SCN8A: variants seen among roughly 807,000 people sequenced by gnomAD.
SCN8A encodes the protein sodium channel protein type 8 subunit alpha.
SCN8A carries 30 observed loss-of-function variants against 184.1 expected under a neutral mutation model. The ratio of observed to expected loss-of-function variants is 0.16; its 90% confidence interval spans 0.12 to 0.22. The LOEUF is 0.22. SCN8A is among the 10% of genes least tolerant of loss of function. The pLI is 1.00. For missense variants in SCN8A, 1,057 were observed against 2,498.9 expected (o/e 0.42, Z 12.30); for synonymous variants, 852 against 907.0 (o/e 0.94, Z 1.09).
At chr12:51,749,500 G>C (rs1406226112) in intron 13 of SCN8A, among the ~76,000 whole-genome samples, 1 of 152,114 alleles carries the variant, frequency 6.6e-6, no homozygotes, top group Non-Finnish European at 1.5e-5. Context: ...AAGAATTTAT[G>C]GAAATAAGAG....
At chr12:51,697,039 A>AC (rs11395918) in intron 6 of SCN8A, among the ~76,000 whole-genome samples, 2 of 1,986 alleles carry the variant, frequency 1.0e-3, no homozygotes, top group African/African-American at 3.0e-3. Flanking sequence ...AATCCGACTC[A>AC]AAAAAAAAAA....
intron 1 of SCN8A, among the ~76,000 whole-genome samples, chr12:51,645,556 C>T (rs1012910515): frequency 3.9e-5 from 6 of 152,022 alleles, no homozygotes; most frequent in Admixed American, 1.3e-4. Context: ...GGATGGTTGC[C>T]GTGTCTGTGT....
intron 20 of SCN8A, chr12:51,780,304 C>T: frequency 2.3e-6 from 1 of 432,060 alleles, no homozygotes; most frequent in Middle Eastern, 4.9e-4. Context: ...AGGCTCCTCT[C>T]CTTCCAGTGG....
intron 20 of SCN8A, chr12:51,780,251 C>T: frequency 2.2e-6 from 1 of 456,486 alleles, no homozygotes; most frequent in South Asian, 1.6e-5. Flanking sequence ...CTGGGACCTG[C>T]AGAGACTGTA....
At chr12:51,610,393 G>C (rs1055325998) in intron 1 of SCN8A, among the ~76,000 whole-genome samples, 5 of 152,046 alleles carry the variant, frequency 3.3e-5, no homozygotes, top group African/African-American at 1.2e-4. Flanking sequence ...GAGATGTGAG[G>C]TACCGTTGCA....
Position 51,687,480 on chromosome 12 carries a change from A to T in SCN8A, c.614+261A>T, listed in dbSNP as rs142060454. Among the ~76,000 whole-genome samples the T allele has an allele frequency of 3.1e-3, 478 of 152,208 alleles. 4 individuals are homozygous for T. Among genetic ancestry groups the T allele is most frequent in the African/African-American group, 0.011 (453 of 41,526 alleles). ...GAGAGAAAGGAGGAGGTGATTTCCC[A>T]TTGGCACTCTCTCGTATTTTATTCC... On this transcript the variant is annotated intron_variant, in intron 5 of 26. Coordinates refer to ENST00000627620, the MANE Select transcript of SCN8A (RefSeq NM_001330260.2).
intron 1 of SCN8A, among the ~76,000 whole-genome samples, chr12:51,631,901 G>A (rs1284596510): frequency 6.6e-6 from 1 of 152,182 alleles, no homozygotes; most frequent in Non-Finnish European, 1.5e-5. Context: ...CCAGAAGTAA[G>A]CCGAGAGACA....
chr12:51,812,060 A>AT lies in SCN8A; in HGVS notation c.*4633dup, dbSNP rs1938918933. 1 of 151,996 alleles carries AT rather than the reference A, an allele frequency of 6.6e-6. No individual in the cohort carries two copies. The highest frequency in any genetic ancestry group is 2.4e-5 in the African/African-American group (1 of 41,368). 9.4% of individuals were successfully genotyped at this position (151,996 alleles called of 1,614,324 possible). On this transcript the variant is annotated 3_prime_UTR_variant, in exon 27 of 27. Transcript: ENST00000627620. The stretch of plus-strand genomic sequence containing the variant: ...GCCCAAGTTTTGCAACAGAGTTTCC[A>AT]TTGTTCAGCTCTGTGCTTTCTTGGA...
intron 26 of SCN8A, among the ~76,000 whole-genome samples, chr12:51,802,763 T>A (rs367727192): frequency 1.3e-5 from 2 of 152,202 alleles, no homozygotes; most frequent in East Asian, 1.9e-4. Context: ...GTCACTAAAC[T>A]CCTTGCCTCT....
chr12:51,721,081 TTATATATATA>T (rs58356368), intron 11 of SCN8A, among the ~76,000 whole-genome samples: 8 of 86,818 alleles, frequency 9.2e-5, no homozygotes, highest in African/African-American at 3.3e-4. Flanking sequence ...AAAAAAAAAA[TTATATATATA>T]TATATATATA....
rs1175136776 is a variant in SCN8A at position 51,802,262 on chromosome 12, TCAGA to T, written c.4796-4017_4796-4014del. ...TGCCTCAAGCATTGCAGGGTTAATC[TCAGA>T]CAAATGTGGAAAGGCTGGTGGCAGC... On this transcript the variant is annotated intron_variant, in intron 26 of 26. Transcript: ENST00000627620. 7.9e-5 allele frequency among the ~76,000 whole-genome samples: 12 copies of T among 152,086 alleles called. 1 individual carries two copies. The highest frequency in any genetic ancestry group is 7.2e-4 in the Admixed American group (11 of 15,282).
intron 1 of SCN8A, among the ~76,000 whole-genome samples, chr12:51,593,564 C>G (rs1704466551): frequency 6.6e-6 from 1 of 152,154 alleles, no homozygotes; most frequent in Non-Finnish European, 1.5e-5. Flanking sequence ...ATTTTTTCTC[C>G]TGGTCCAGCT....
Position 51,707,407 on chromosome 12 carries a change from G to A in SCN8A, c.1635+692G>A, listed in dbSNP as rs374364766. Reference sequence around the variant, plus strand: ...CAAACTTCAGGAGCAAGGAGAGTGAGTCTGAGTCCCAAAACTGAAGAACTT... The same window carrying A: ...CAAACTTCAGGAGCAAGGAGAGTGAATCTGAGTCCCAAAACTGAAGAACTT... On this transcript the variant is annotated intron_variant, in intron 11 of 26. Transcript: ENST00000627620. Among the ~76,000 whole-genome samples the A allele has an allele frequency of 2.6e-5, 4 of 152,298 alleles. No homozygotes were observed. The East Asian group carries it at 7.7e-4, about 29-fold the overall frequency.
chr12:51,606,355 C>A (rs1411917261), intron 1 of SCN8A, among the ~76,000 whole-genome samples: 2 of 152,156 alleles, frequency 1.3e-5, no homozygotes, highest in East Asian at 3.8e-4. Flanking sequence ...TGTCTATTCC[C>A]CGCTTACGTT....
intron 1 of SCN8A, among the ~76,000 whole-genome samples, chr12:51,659,709 G>A (rs1447065444): frequency 6.6e-6 from 1 of 152,118 alleles, no homozygotes; most frequent in Non-Finnish European, 1.5e-5. Flanking sequence ...CACTAGTGGG[G>A]AGACTACTGC....
At chr12:51,758,183 C>T (rs562050583) in intron 14 of SCN8A, among the ~76,000 whole-genome samples, 4 of 152,232 alleles carry the variant, frequency 2.6e-5, no homozygotes, top group African/African-American at 9.6e-5. Flanking sequence ...ATTAACCAGA[C>T]ATGCAGCTCA....
In SCN8A at chr12:51,662,787, A is replaced by G. The variant is rs754171220; in HGVS notation, c.-31A>G. 9.9e-6 allele frequency: 16 copies of G among 1,609,882 alleles called. No individual in the cohort carries two copies. Among genetic ancestry groups the G allele is most frequent in the Non-Finnish European group, 1.4e-5 (16 of 1,177,976 alleles). ...AGAGCTGACCTGTCCTGGACGCAGC[A>G]TAACTAACGAAGCTGCTGCAGGATG... On this transcript the variant is annotated 5_prime_UTR_variant, in exon 2 of 27. Transcript: ENST00000627620.
At chr12:51,706,331 A>G in intron 10 of SCN8A, 91 bp from the exon 11 acceptor site, 1 of 1,237,388 alleles carries the variant, frequency 8.1e-7, no homozygotes, top group Non-Finnish European at 1.1e-6. Context: ...CTTTCCCTTC[A>G]GTAGGGAAAT....
chr12:51,649,013 G>T (rs1314405704), intron 1 of SCN8A, among the ~76,000 whole-genome samples: 1 of 152,172 alleles, frequency 6.6e-6, no homozygotes, highest in Non-Finnish European at 1.5e-5. Context: ...GGGGGTACAG[G>T]TATTGGGTAA....
Sources: allele counts gnomAD v4.1 joint callset (sites outside exome capture counted in the v4.1 genomes callset), GRCh38; gene constraint gnomAD v4.1.1; transcripts MANE v1.5; gene names NCBI Gene and HGNC (gene_info 2026-07-23, HGNC 2026-07-21).